UGT2B4: variants seen among roughly 807,000 people sequenced by gnomAD.
The protein encoded by UGT2B4 is UDP glucuronosyltransferase family 2 member B4.
UGT2B4 carries 49 observed loss-of-function variants against 49.8 expected under a neutral mutation model. The ratio of observed to expected loss-of-function variants is 0.98; its 90% confidence interval spans 0.78 to 1.25. The LOEUF (loss-of-function observed/expected upper bound fraction) is 1.25. Among genes scored for constraint, UGT2B4 ranks in the 50% most tolerant of loss-of-function variants. UGT2B4 has a pLI of 0.00. For synonymous variants in UGT2B4, 246 were observed against 217.7 expected, an observed-to-expected ratio of 1.13 and a Z score of -1.14; for missense variants, 729 against 627.7, an observed-to-expected ratio of 1.16 and a Z score of -1.73.
At chr4:69,496,730 T>C (rs959744596), upstream of UGT2B4, among the ~76,000 whole-genome samples, 1 of 152,218 alleles carries the variant, frequency 6.6e-6, no homozygotes, top group African/African-American at 2.4e-5. Context: ...TTTCTGTCTC[T>C]ATAGATTTGC....
chr4:69,505,552 C>T (rs1284352907), intron 1 of UGT2B4, among the ~76,000 whole-genome samples: 2 of 152,112 alleles, frequency 1.3e-5, no homozygotes, highest in African/African-American at 2.4e-5. Context: ...CACAGGAGCA[C>T]CCAGATTCAT....
chr4:69,486,494 A>C, intron 4 of UGT2B4, 115 bp downstream of exon 4: 1 of 678,864 alleles, frequency 1.5e-6, no homozygotes, highest in East Asian at 3.4e-5. Flanking sequence ...AAGAAGTTTC[A>C]TTTTATTTTT....
At chr4:69,508,987 CTT>C (rs1375331080) in intron 1 of UGT2B4, among the ~76,000 whole-genome samples, 2 of 152,090 alleles carry the variant, frequency 1.3e-5, no homozygotes, top group Non-Finnish European at 2.9e-5. Flanking sequence ...CCAAGTCTCT[CTT>C]TTCCTAGTCA....
At position 69,502,110 on chromosome 4, in the gene UGT2B4, T is replaced by TTTCTTTCTTTCTTTCTTTC. The variant is rs1728341709; in HGVS notation, c.-105-6163_-105-6145dup. ...TTCTCTCTCTTTCTTTCTTTCTTTC[T>TTTCTTTCTTTCTTTCTTTC]TTCTTTCTTTCTTTCTTTCTTTCTT... is the stretch of plus-strand genomic sequence containing the variant. On this transcript the variant is annotated intron_variant, in intron 1 of 1. Coordinates refer to the UGT2B4 transcript ENST00000510114. 3.9e-4 allele frequency among the ~76,000 whole-genome samples: 47 copies of TTTCTTTCTTTCTTTCTTTC among 120,296 alleles called. 2 individuals carry two copies. In the Middle Eastern group the frequency reaches 0.013, roughly 33 times the overall value. 78.9% of individuals were successfully genotyped at this position (120,296 alleles called of 152,430 possible). A position where few individuals can be genotyped will look rare whatever the true frequency, so the allele number is the denominator to read the frequency against.
intron 1 of UGT2B4, among the ~76,000 whole-genome samples, chr4:69,510,327 G>A (rs1287651664): frequency 1.3e-5 from 2 of 152,076 alleles, no homozygotes; most frequent in Non-Finnish European, 2.9e-5. Flanking sequence ...GATTGTTTCA[G>A]CTCCTTCATG....
intron 1 of UGT2B4, among the ~76,000 whole-genome samples, chr4:69,504,307 A>G (rs1468011233): frequency 6.6e-6 from 1 of 152,218 alleles, no homozygotes; most frequent in East Asian, 1.9e-4. Flanking sequence ...TTGTAACCCA[A>G]AAACAAGAAA....
Position 69,504,939 on chromosome 4 carries a change from G to T in UGT2B4, c.-105-8973C>A, listed in dbSNP as rs1577897364. 2.0e-5 allele frequency among the ~76,000 whole-genome samples: 3 copies of T among 152,116 alleles called. No homozygotes were observed. In the South Asian group the frequency reaches 6.2e-4, roughly 32 times the overall value. ...AACCCTATAAGTCAGAAGAGATTGG[G>T]GGCCATTATTCAATATCTGGCCAAA... On this transcript the variant is annotated intron_variant, in intron 1 of 1. Transcript: ENST00000510114.
At chr4:69,496,377 C>T (rs1560437043), upstream of UGT2B4, among the ~76,000 whole-genome samples, 1 of 152,176 alleles carries the variant, frequency 6.6e-6, no homozygotes, top group Non-Finnish European at 1.5e-5. Context: ...TGGATGGACT[C>T]ATCACCTGAC....
At chr4:69,504,884 C>G (rs943107167) in intron 1 of UGT2B4, among the ~76,000 whole-genome samples, 2 of 152,074 alleles carry the variant, frequency 1.3e-5, no homozygotes, top group African/African-American at 4.8e-5. Flanking sequence ...AAGGGAAGCC[C>G]ATAAAACTAA....
At chr4:69,505,635 C>T (rs949931027) in intron 1 of UGT2B4, among the ~76,000 whole-genome samples, 6 of 152,048 alleles carry the variant, frequency 3.9e-5, no homozygotes, top group Admixed American at 6.6e-5. Flanking sequence ...TTAATTCCCC[C>T]GTGGCAATAT....
chr4:69,513,931 T>C (rs893710421), intron 1 of UGT2B4, among the ~76,000 whole-genome samples: 2 of 152,192 alleles, frequency 1.3e-5, no homozygotes, highest in African/African-American at 4.8e-5. Flanking sequence ...TTTTATATCC[T>C]GAGCATTTGC....
chr4:69,480,519 T>G lies in UGT2B4; in HGVS notation c.*115A>C. ...AATTTTGACTTGACAAGGTAAGTTT[T>G]GAAAGATGTTTTGTCACAAGAAGAA... On this transcript the variant is annotated 3_prime_UTR_variant, in exon 6 of 6. Coordinates refer to ENST00000305107, the MANE Select transcript of UGT2B4 (RefSeq NM_021139.3). 1 of 1,481,350 alleles carries G rather than the reference T, an allele frequency of 6.8e-7. No individual in the cohort carries two copies. Among genetic ancestry groups the G allele is most frequent in the South Asian group, 1.4e-5 (1 of 70,354 alleles). 91.8% of individuals were successfully genotyped at this position (1,481,350 alleles called of 1,614,324 possible). A position where few individuals can be genotyped will look rare whatever the true frequency, so the allele number is the denominator to read the frequency against.
At position 69,495,264 on chromosome 4, in the gene UGT2B4, C is replaced by G. The variant is rs1728116137; in HGVS notation, c.598G>C (p.Glu200Gln). The change falls in exon 1 of 6, where the codon GAA (glutamate) becomes CAA (glutamine). Residue 200 changes from glutamate to glutamine, a missense_variant. By Grantham distance (29) the Glu-to-Gln change is conservative. Coordinates refer to ENST00000305107, the MANE Select transcript of UGT2B4 (RefSeq NM_021139.3). ...ATGAAAGTCATTTGGTCACTTAGTTCTGACATAACAACAGGCACATAGGAA... is the reference window on the plus strand; with the variant it reads ...ATGAAAGTCATTTGGTCACTTAGTTGTGACATAACAACAGGCACATAGGAA... ...PPSYVPVVMS[E>Q]LSDQMTFIER... 2.5e-6 allele frequency: 4 copies of G among 1,613,226 alleles called. No homozygotes were observed. The highest frequency in any genetic ancestry group is 1.6e-4 in the Middle Eastern group (1 of 6,072).
upstream of UGT2B4, chr4:69,496,078 T>A (rs115746994): frequency 5.1e-3 from 3,137 of 620,194 alleles, 91 homozygotes; most frequent in African/African-American, 0.056. Flanking sequence ...TTTGGATTTT[T>A]TTTTTTTTGA....
intron 5 of UGT2B4, among the ~76,000 whole-genome samples, chr4:69,482,162 C>A (rs1727612359): frequency 6.6e-6 from 1 of 152,164 alleles, no homozygotes; most frequent in Non-Finnish European, 1.5e-5. Flanking sequence ...TGCAACAACT[C>A]AAGGCATGCT....
At chr4:69,520,827 G>C (rs141293534) in intron 1 of UGT2B4, among the ~76,000 whole-genome samples, 3 of 152,160 alleles carry the variant, frequency 2.0e-5, no homozygotes. Flanking sequence ...ACAGGAGACA[G>C]ACAGACTCCT....
At chr4:69,502,098 T>TTTCC (rs1728337936) in intron 1 of UGT2B4, among the ~76,000 whole-genome samples, 1 of 97,232 alleles carries the variant, frequency 1.0e-5, no homozygotes, top group Non-Finnish European at 2.0e-5. Flanking sequence ...TCTCTCTTTC[T>TTTCC]TTCTTTCTTT....
At chr4:69,508,470 G>T (rs1299818522) in intron 1 of UGT2B4, among the ~76,000 whole-genome samples, 3 of 152,192 alleles carry the variant, frequency 2.0e-5, no homozygotes, top group Non-Finnish European at 2.9e-5. Flanking sequence ...ATCAGTGATA[G>T]ACTGGATAAA....
At chr4:69,519,127 G>A (rs1021042215) in intron 1 of UGT2B4, among the ~76,000 whole-genome samples, 10 of 152,166 alleles carry the variant, frequency 6.6e-5, no homozygotes, top group Admixed American at 3.9e-4. Context: ...GTAGGAGAAC[G>A]TAGTCTCTAT....
Sources: gnomAD v4.1 joint callset for allele counts (sites outside exome capture counted in the v4.1 genomes callset) on GRCh38, gnomAD v4.1.1 for gene constraint, MANE v1.5 for transcripts, NCBI Gene and HGNC (gene_info 2026-07-23, HGNC 2026-07-21) for gene names.